GPC6: variants seen among roughly 807,000 people sequenced by gnomAD.
GPC6 encodes the protein glypican-6.
Under a neutral mutation model 55.2 loss-of-function variants are expected in GPC6, and 14 were observed. The observed-to-expected ratio is 0.25, with a 90% confidence interval of 0.17 to 0.40. The LOEUF (loss-of-function observed/expected upper bound fraction) is 0.40, where lower values mean the gene tolerates loss of function less well. GPC6 is among the 10% of genes least tolerant of loss of function. GPC6 has a pLI of 1.00. For missense variants in GPC6, 641 were observed against 708.5 expected (o/e 0.90, Z 1.08); for synonymous variants, 278 against 259.6 (o/e 1.07, Z -0.68).
intron 1 of GPC6, among the ~76,000 whole-genome samples, chr13:93,266,208 C>T (rs1008052599): frequency 6.6e-6 from 1 of 152,168 alleles, no homozygotes. Flanking sequence ...TAATGCATTA[C>T]AGATTAATTT....
intron 2 of GPC6, among the ~76,000 whole-genome samples, chr13:93,556,955 C>T (rs1875515791): frequency 6.6e-6 from 1 of 152,030 alleles, no homozygotes; most frequent in African/African-American, 2.4e-5. Flanking sequence ...TTGATTCAAA[C>T]ATAAGGTATG....
At chr13:93,303,547 A>G (rs1055702457) in intron 1 of GPC6, among the ~76,000 whole-genome samples, 4 of 152,194 alleles carry the variant, frequency 2.6e-5, no homozygotes, top group Non-Finnish European at 4.4e-5. Context: ...CCCAGGTGAT[A>G]GAAGACTTGG....
intron 3 of GPC6, 26 bp downstream of exon 3, chr13:93,830,571 C>A: frequency 2.4e-6 from 3 of 1,251,668 alleles, no homozygotes; most frequent in Non-Finnish European, 3.3e-6. Context: ...CTTTCTTTCT[C>A]ATTGGTGTTC....
intron 4 of GPC6, among the ~76,000 whole-genome samples, chr13:94,044,532 G>T (rs927279116): frequency 6.6e-6 from 1 of 151,856 alleles, no homozygotes; most frequent in African/African-American, 2.4e-5. Context: ...ATGCACCATG[G>T]TTAATTAGTA....
intron 1 of GPC6, among the ~76,000 whole-genome samples, chr13:93,507,061 CAAAAAAAAAAA>C (rs56368708): frequency 7.7e-5 from 4 of 52,126 alleles, no homozygotes; most frequent in Non-Finnish European, 1.2e-4. Context: ...GACTCCGTCT[CAAAAAAAAAAA>C]AAAAAAAAAA....
At chr13:93,416,799 A>AC (rs1055752709) in intron 1 of GPC6, among the ~76,000 whole-genome samples, 1 of 151,668 alleles carries the variant, frequency 6.6e-6, no homozygotes, top group African/African-American at 2.4e-5. Context: ...ACACAGGGCA[A>AC]CCCCCCTGTT....
At chr13:93,509,332 G>A (rs1311124262) in intron 1 of GPC6, among the ~76,000 whole-genome samples, 1 of 152,180 alleles carries the variant, frequency 6.6e-6, no homozygotes, top group Non-Finnish European at 1.5e-5. Context: ...TCAAATGAAT[G>A]TAGTAGTTAT....
At chr13:93,501,008 G>A (rs1295724881) in intron 1 of GPC6, among the ~76,000 whole-genome samples, 1 of 152,124 alleles carries the variant, frequency 6.6e-6, no homozygotes, top group Non-Finnish European at 1.5e-5. Flanking sequence ...CACATTTTCT[G>A]TACTATCTGA....
intron 1 of GPC6, among the ~76,000 whole-genome samples, chr13:93,229,347 T>C (rs1374970081): frequency 6.6e-6 from 1 of 152,188 alleles, no homozygotes; most frequent in African/African-American, 2.4e-5. Flanking sequence ...CTGGGCTTTT[T>C]CAAACGGTAT....
At chr13:93,542,856 A>G (rs538145056) in intron 1 of GPC6, among the ~76,000 whole-genome samples, 1 of 152,156 alleles carries the variant, frequency 6.6e-6, no homozygotes, top group Non-Finnish European at 1.5e-5. Context: ...AATGCTTGTG[A>G]TTTTTGTAGA....
intron 2 of GPC6, among the ~76,000 whole-genome samples, chr13:93,709,067 A>G (rs141425965): frequency 9.9e-4 from 151 of 151,934 alleles, no homozygotes; most frequent in Middle Eastern, 6.8e-3. Context: ...TGCACAAATT[A>G]AGTGAGAATA....
chr13:93,933,265 A>G (rs1038008918), intron 3 of GPC6, among the ~76,000 whole-genome samples: 1 of 152,140 alleles, frequency 6.6e-6, no homozygotes. Context: ...ACACCTTTGC[A>G]TGGAGGTCCT....
intron 2 of GPC6, among the ~76,000 whole-genome samples, chr13:93,751,521 T>A (rs1884590631): frequency 6.6e-6 from 1 of 151,824 alleles, no homozygotes; most frequent in African/African-American, 2.4e-5. Context: ...TTATTTATTT[T>A]TTAAATTTTA....
intron 3 of GPC6, among the ~76,000 whole-genome samples, chr13:93,870,208 T>C (rs1889087862): frequency 6.6e-6 from 1 of 151,890 alleles, no homozygotes; most frequent in Admixed American, 6.6e-5. Flanking sequence ...TACTACCTTA[T>C]TGTTACATTG....
chr13:93,898,050 A>C (rs1158375423), intron 3 of GPC6, among the ~76,000 whole-genome samples: 1 of 152,130 alleles, frequency 6.6e-6, no homozygotes, highest in Admixed American at 6.6e-5. Context: ...ATTGTTTATT[A>C]ATTTACTGTA....
At chr13:93,236,106 T>C (rs1887707) in intron 1 of GPC6, among the ~76,000 whole-genome samples, 39,284 of 152,174 alleles carry the variant, frequency 0.26, 5,178 homozygotes, top group African/African-American at 0.32. Flanking sequence ...CTTCTCATTT[T>C]AGAATTGCCT....
intron 3 of GPC6, among the ~76,000 whole-genome samples, chr13:93,879,137 G>C (rs1048858397): frequency 2.6e-5 from 4 of 152,022 alleles, no homozygotes; most frequent in African/African-American, 4.8e-5. Context: ...GGCTCCTGAG[G>C]CTTCTGCATT....
chr13:94,166,548 T>A (rs551041323), intron 4 of GPC6, among the ~76,000 whole-genome samples: 14 of 152,266 alleles, frequency 9.2e-5, no homozygotes, highest in Middle Eastern at 3.4e-3. Context: ...TATGGAGAGG[T>A]CTTATAAATA....
At chr13:93,310,434 C>T (rs1367407715) in intron 1 of GPC6, among the ~76,000 whole-genome samples, 1 of 152,142 alleles carries the variant, frequency 6.6e-6, no homozygotes, top group Non-Finnish European at 1.5e-5. Flanking sequence ...ACCAGAATCA[C>T]CCTCAGGAGG....
Sources: allele counts gnomAD v4.1 joint callset (sites outside exome capture counted in the v4.1 genomes callset), GRCh38; gene constraint gnomAD v4.1.1; transcripts MANE v1.5; gene names NCBI Gene and HGNC (gene_info 2026-07-23, HGNC 2026-07-21).